The following CSMD2 variants were observed in gnomAD, a reference collection of about 807,000 sequenced individuals.
CSMD2 encodes CUB and sushi domain-containing protein 2.
In CSMD2, 130 loss-of-function variants were observed where a neutral mutation model predicts 398.5. The ratio of observed to expected loss-of-function variants is 0.33; its 90% CI spans 0.28 to 0.38. CSMD2 has a LOEUF of 0.38. Ranked by LOEUF, CSMD2 falls within the 10% of genes least tolerant of loss-of-function variation. The pLI is 1.00. For missense variants in CSMD2, 3,829 were observed against 4,764.9 expected (o/e 0.80, Z 5.78); for synonymous variants, 1,828 against 1,908.5 (o/e 0.96, Z 1.10).
intron 1 of CSMD2, among the ~76,000 whole-genome samples, chr1:34,093,138 G>T (rs1388890263): frequency 6.6e-6 from 1 of 152,190 alleles, no homozygotes; most frequent in Non-Finnish European, 1.5e-5. Context: ...GCACCCCCCA[G>T]CAGGGGCACA....
chr1:33,899,959 C>T (rs981378951), intron 5 of CSMD2, among the ~76,000 whole-genome samples: 16 of 152,328 alleles, frequency 1.1e-4, no homozygotes, highest in African/African-American at 3.8e-4. Context: ...GACTTATCAA[C>T]TGCAGAGGCC....
intron 1 of CSMD2, among the ~76,000 whole-genome samples, chr1:34,107,255 G>A (rs1056435713): frequency 6.6e-6 from 1 of 152,074 alleles, no homozygotes; most frequent in Non-Finnish European, 1.5e-5. Flanking sequence ...GAAAGTTGAG[G>A]GCTTAGCAAA....
At chr1:33,991,043 G>C (rs528901011) in intron 3 of CSMD2, among the ~76,000 whole-genome samples, 5 of 150,768 alleles carry the variant, frequency 3.3e-5, no homozygotes, top group African/African-American at 1.2e-4. Flanking sequence ...TTTAGAGACA[G>C]GGCCTCTGTC....
At chr1:33,857,248 A>C (rs1639165338) in intron 5 of CSMD2, among the ~76,000 whole-genome samples, 1 of 152,168 alleles carries the variant, frequency 6.6e-6, no homozygotes, top group African/African-American at 2.4e-5. Context: ...GGTGCCTGGC[A>C]CATAGCATGT....
intron 22 of CSMD2, among the ~76,000 whole-genome samples, chr1:33,703,892 T>C (rs1048927040): frequency 6.6e-6 from 1 of 152,220 alleles, no homozygotes; most frequent in African/African-American, 2.4e-5. Flanking sequence ...AAGTGGTATC[T>C]CACTTTAATA....
chr1:34,010,464 A>C (rs1196034529), intron 3 of CSMD2, among the ~76,000 whole-genome samples: 1 of 152,122 alleles, frequency 6.6e-6, no homozygotes, highest in Non-Finnish European at 1.5e-5. Flanking sequence ...GGTAAGTTCT[A>C]TTGTTAGTCT....
chr1:33,755,143 G>A (rs1269307262), intron 13 of CSMD2, among the ~76,000 whole-genome samples: 1 of 152,072 alleles, frequency 6.6e-6, no homozygotes, highest in African/African-American at 2.4e-5. Context: ...CAATCAGATT[G>A]TTCTTGCTTC....
chr1:34,084,925 G>A (rs537822457), intron 2 of CSMD2, among the ~76,000 whole-genome samples: 2 of 152,266 alleles, frequency 1.3e-5, no homozygotes, highest in African/African-American at 2.4e-5. Context: ...AAAGACACAT[G>A]TACACATATG....
At chr1:33,921,146 C>A (rs72665713) in intron 4 of CSMD2, among the ~76,000 whole-genome samples, 1 of 152,156 alleles carries the variant, frequency 6.6e-6, no homozygotes, top group Non-Finnish European at 1.5e-5. Context: ...TTCTCCTCCC[C>A]TCTTCCTCCT....
intron 6 of CSMD2, among the ~76,000 whole-genome samples, chr1:33,841,422 A>G (rs764898868): frequency 6.6e-6 from 1 of 152,188 alleles, no homozygotes; most frequent in Admixed American, 6.5e-5. Context: ...TTCATTTCCA[A>G]TAGCCCTGTA....
chr1:34,051,706 T>C (rs1653192276), intron 2 of CSMD2, among the ~76,000 whole-genome samples: 1 of 152,188 alleles, frequency 6.6e-6, no homozygotes, highest in Non-Finnish European at 1.5e-5. Flanking sequence ...AGTCATGTCA[T>C]ATTAGGCAAA....
intron 12 of CSMD2, among the ~76,000 whole-genome samples, chr1:33,773,567 G>A (rs1384887645): frequency 6.6e-6 from 1 of 152,148 alleles, no homozygotes; most frequent in Non-Finnish European, 1.5e-5. Flanking sequence ...AGTATGTCCT[G>A]GCCAAGCCTC....
intron 33 of CSMD2, among the ~76,000 whole-genome samples, 193 bp from the exon 34 acceptor site, chr1:33,625,447 G>A (rs977007447): frequency 6.6e-6 from 1 of 152,182 alleles, no homozygotes; most frequent in South Asian, 2.1e-4. Context: ...GACACACAGC[G>A]CTACAGCACA....
chr1:33,576,313 A>T (rs1660068198), intron 49 of CSMD2, among the ~76,000 whole-genome samples: 3 of 152,206 alleles, frequency 2.0e-5, no homozygotes, highest in South Asian at 4.1e-4. Context: ...AATAGAGTCC[A>T]GGCGCGGTGG....
intron 1 of CSMD2, among the ~76,000 whole-genome samples, chr1:34,124,480 T>C (rs904530379): frequency 5.3e-5 from 8 of 152,190 alleles, no homozygotes; most frequent in Non-Finnish European, 1.0e-4. Flanking sequence ...TGCCATCGGC[T>C]AGTCACCTGG....
chr1:33,605,943 T>A, intron 41 of CSMD2: 1 of 1,613,636 alleles, frequency 6.2e-7, no homozygotes, highest in Non-Finnish European at 8.5e-7. Flanking sequence ...CTCCGAGAGA[T>A]CAAAACCTCT....
chr1:33,937,042 C>A (rs1235301471), intron 3 of CSMD2, among the ~76,000 whole-genome samples: 1 of 152,182 alleles, frequency 6.6e-6, no homozygotes, highest in Non-Finnish European at 1.5e-5. Context: ...GTCTTTTAAC[C>A]TTTTTGCACT....
rs377378458 is a variant in CSMD2 at position 33,536,985 on chromosome 1, G to A, written c.9879+37C>T. ...ATGTTGACAGTGACAAGAAGGGATA[G>A]GATGTAGGAAGACCCTATCTTGGCT... On this transcript the variant is annotated intron_variant, in intron 62 of 70. Transcript: ENST00000373381. 5.0e-5 allele frequency: 80 copies of A among 1,588,992 alleles called. No individual in the cohort carries two copies. In the African/African-American group the frequency reaches 9.5e-4, roughly 19 times the overall value.
chr1:33,752,958 T>G (rs1648466012), intron 13 of CSMD2, among the ~76,000 whole-genome samples: 1 of 152,216 alleles, frequency 6.6e-6, no homozygotes, highest in African/African-American at 2.4e-5. Flanking sequence ...AAAAAATTTC[T>G]AAGCAGCAAA....
Sources: allele counts gnomAD v4.1 joint callset (sites outside exome capture counted in the v4.1 genomes callset), GRCh38; gene constraint gnomAD v4.1.1; transcripts MANE v1.5; gene names NCBI Gene and HGNC (gene_info 2026-07-23, HGNC 2026-07-21).